The following CSMD3 variants were observed in gnomAD, a reference collection of about 807,000 sequenced individuals.
CSMD3 encodes the protein CUB and Sushi multiple domains 3.
In CSMD3, 177 loss-of-function variants were observed where a neutral mutation model predicts 435.2. That is an observed-to-expected ratio of 0.41 (90% CI 0.36 to 0.46). The LOEUF (loss-of-function observed/expected upper bound fraction) is 0.46. CSMD3 is among the 20% of genes least tolerant of loss of function. CSMD3 has a pLI of 0.34. For synonymous variants in CSMD3, 1,656 were observed against 1,520.5 expected (o/e 1.09, Z -2.07); for missense variants, 4,265 against 4,504.6 (o/e 0.95, Z 1.52).
intron 13 of CSMD3, among the ~76,000 whole-genome samples, chr8:112,720,116 C>T (rs2076825106): frequency 6.6e-6 from 1 of 152,066 alleles, no homozygotes; most frequent in African/African-American, 2.4e-5. Context: ...TTTATTGATG[C>T]TAAGCTCAAC....
Position 112,268,255 on chromosome 8 carries a change from C to T in CSMD3, c.9509-2665G>A, listed in dbSNP as rs143016141. 1.2e-3 allele frequency among the ~76,000 whole-genome samples: 176 copies of T among 152,220 alleles called. 1 individual carries two copies. The highest frequency in any genetic ancestry group is 3.9e-3 in the African/African-American group (163 of 41,522). ...GTACATAAAGGAATCATTAAGTTGTCAGCTCAAATTCTCAAAAACACATAA... is the reference window on the plus strand; with the variant it reads ...GTACATAAAGGAATCATTAAGTTGTTAGCTCAAATTCTCAAAAACACATAA... On this transcript the variant is annotated intron_variant, in intron 59 of 70. Transcript: ENST00000297405.
At chr8:112,268,061 G>T (rs181151233) in intron 59 of CSMD3, among the ~76,000 whole-genome samples, 9 of 152,148 alleles carry the variant, frequency 5.9e-5, no homozygotes, top group East Asian at 1.9e-4. Flanking sequence ...TGCATAATAA[G>T]AAGATCATTG....
intron 1 of CSMD3, among the ~76,000 whole-genome samples, chr8:113,409,079 CT>C (rs1218107775): frequency 0.023 from 2,289 of 99,040 alleles, 19 homozygotes; most frequent in African/African-American, 0.078. Context: ...TCTTCTTCTT[CT>C]TTTTTTTTTT....
At chr8:112,399,119 G>A (rs1051783964) in intron 35 of CSMD3, among the ~76,000 whole-genome samples, 2 of 151,798 alleles carry the variant, frequency 1.3e-5, no homozygotes, top group South Asian at 2.1e-4. Context: ...GTTTCACCAC[G>A]CTGGCCAGGG....
chr8:113,135,765 G>A (rs1242849908), intron 4 of CSMD3, among the ~76,000 whole-genome samples: 1 of 151,822 alleles, frequency 6.6e-6, no homozygotes, highest in East Asian at 1.9e-4. Context: ...GGAACTCTTA[G>A]AGAATCATTT....
intron 3 of CSMD3, among the ~76,000 whole-genome samples, chr8:113,254,301 T>C (rs952939640): frequency 1.3e-5 from 2 of 152,174 alleles, no homozygotes; most frequent in Non-Finnish European, 2.9e-5. Context: ...GAGCTACAGA[T>C]ACAGATAAGC....
chr8:112,647,302 CTTT>C (rs35978527), intron 19 of CSMD3, among the ~76,000 whole-genome samples: 2 of 137,154 alleles, frequency 1.5e-5, no homozygotes, highest in Non-Finnish European at 1.6e-5. Context: ...TTTCAAATCA[CTTT>C]TTTTTTTTTT....
rs1374200948 is a variant in CSMD3 at position 112,224,727 on chromosome 8, G to A, written c.*44C>T. Reference sequence around the variant, plus strand: ...CAGTGAACTAAATGTGCACTGTTTTGTGTGTCGATTTCCAAGCTTCTGAAG... The same window carrying A: ...CAGTGAACTAAATGTGCACTGTTTTATGTGTCGATTTCCAAGCTTCTGAAG... On this transcript the variant is annotated 3_prime_UTR_variant, in exon 71 of 71. Transcript: ENST00000297405. 6.2e-7 allele frequency: 1 copy of A among 1,603,138 alleles called. No homozygotes were observed. The highest frequency in any genetic ancestry group is 2.2e-5 in the East Asian group (1 of 44,820).
intron 4 of CSMD3, among the ~76,000 whole-genome samples, chr8:113,158,979 G>C (rs537369086): frequency 1.3e-5 from 2 of 152,010 alleles, no homozygotes; most frequent in Non-Finnish European, 2.9e-5. Context: ...CATTACTCAA[G>C]CATCTTTGAG....
intron 12 of CSMD3, 87 bp downstream of exon 12, chr8:112,829,599 G>T: frequency 1.3e-6 from 1 of 763,150 alleles, no homozygotes; most frequent in South Asian, 1.4e-5. Flanking sequence ...GTAGTAGTGG[G>T]AGCGATCAAT....
intron 6 of CSMD3, among the ~76,000 whole-genome samples, chr8:113,003,245 CA>C (rs201734838): frequency 2.0e-5 from 3 of 151,750 alleles, no homozygotes; most frequent in Non-Finnish European, 4.4e-5. Flanking sequence ...AATTCTGTCT[CA>C]AAAAATAAAT....
At chr8:113,377,261 C>T (rs1330939191) in intron 1 of CSMD3, 2 of 368,046 alleles carry the variant, frequency 5.4e-6, no homozygotes, top group Admixed American at 4.6e-5. Context: ...GTGGAGCCTA[C>T]CCTCTTATTA....
At chr8:113,026,590 C>G (rs183855948) in intron 5 of CSMD3, among the ~76,000 whole-genome samples, 5 of 152,270 alleles carry the variant, frequency 3.3e-5, no homozygotes, top group African/African-American at 1.2e-4. Context: ...TGATACTTAG[C>G]ATAATGATTG....
intron 3 of CSMD3, among the ~76,000 whole-genome samples, chr8:113,183,888 G>C (rs777190389): frequency 6.6e-6 from 1 of 151,946 alleles, no homozygotes; most frequent in Admixed American, 6.6e-5. Context: ...CTCTGACCAC[G>C]AAGCAAGCAA....
chr8:112,928,252 T>C (rs2082977437), intron 9 of CSMD3, among the ~76,000 whole-genome samples: 1 of 152,172 alleles, frequency 6.6e-6, no homozygotes, highest in Non-Finnish European at 1.5e-5. Context: ...GCAAGTGCAT[T>C]AGTTAATATA....
At chr8:112,774,411 T>G in intron 13 of CSMD3, among the ~76,000 whole-genome samples, 1 of 152,062 alleles carries the variant, frequency 6.6e-6, no homozygotes, top group Non-Finnish European at 1.5e-5. Context: ...TTCCGTACTT[T>G]ATTCCCAGGT....
At chr8:113,248,580 T>C (rs1216918681) in intron 3 of CSMD3, among the ~76,000 whole-genome samples, 1 of 148,798 alleles carries the variant, frequency 6.7e-6, no homozygotes, top group Non-Finnish European at 1.5e-5. Context: ...TAAATTGTTA[T>C]ATATAAATTG....
chr8:112,856,643 GC>G (rs2080667228), intron 11 of CSMD3, among the ~76,000 whole-genome samples: 2 of 151,948 alleles, frequency 1.3e-5, no homozygotes, highest in South Asian at 4.1e-4. Context: ...GAGAGTGACA[GC>G]CCAGATTGAA....
intron 13 of CSMD3, among the ~76,000 whole-genome samples, chr8:112,794,645 T>C (rs2078780611): frequency 6.6e-6 from 1 of 151,974 alleles, no homozygotes; most frequent in African/African-American, 2.4e-5. Flanking sequence ...CCCAAACCTG[T>C]AGAGCTGTAC....
Sources: gnomAD v4.1 joint callset for allele counts (sites outside exome capture counted in the v4.1 genomes callset) on GRCh38, gnomAD v4.1.1 for gene constraint, MANE v1.5 for transcripts, NCBI Gene and HGNC (gene_info 2026-07-23, HGNC 2026-07-21) for gene names.